NOTCH2: variants seen among roughly 807,000 people sequenced by gnomAD.
The protein encoded by NOTCH2 is notch receptor 2.
Under a neutral mutation model 235.8 loss-of-function variants are expected in NOTCH2, and 29 were observed. That is an observed-to-expected ratio of 0.12 (90% confidence interval 0.09 to 0.17). The LOEUF (loss-of-function observed/expected upper bound fraction) is 0.17. NOTCH2 is among the 10% of genes least tolerant of loss of function. The pLI, the probability that NOTCH2 is intolerant of heterozygous loss-of-function variation, is 1.00. For missense variants in NOTCH2, 2,285 were observed against 3,150.2 expected (o/e 0.73, Z 6.57); for synonymous variants, 1,086 against 1,141.5 (o/e 0.95, Z 0.98).
rs1442404690 is a variant in NOTCH2 at position 119,914,883 on chromosome 1, G to A, written c.*423C>T. ...TGTCCAAGGAGGAGGAGATGCGTAG[G>A]TCAATTCAGGCAGAATTCCAGGGCA... On this transcript the variant is annotated 3_prime_UTR_variant, in exon 34 of 34. Transcript: ENST00000256646. 5 of 358,828 alleles carry A rather than the reference G, an allele frequency of 1.4e-5. No individual in the cohort carries two copies. Among genetic ancestry groups the A allele is most frequent in the South Asian group, 7.7e-5 (2 of 25,916 alleles). 22.2% of individuals were successfully genotyped at this position (358,828 alleles called of 1,614,324 possible). A position where few individuals can be genotyped will look rare whatever the true frequency, so the allele number is the denominator to read the frequency against.
chr1:119,919,645 A>C, intron 30 of NOTCH2, 32 bp from the exon 31 acceptor site: 2 of 1,603,784 alleles, frequency 1.2e-6, no homozygotes, highest in Non-Finnish European at 1.7e-6. Context: ...TAAAGTACTC[A>C]AGAAGGAGAA....
intron 28 of NOTCH2, 94 bp downstream of exon 28, chr1:119,922,142 A>G (rs1649306825): frequency 1.5e-6 from 2 of 1,375,666 alleles, no homozygotes; most frequent in Non-Finnish European, 2.0e-6. Flanking sequence ...AAATGCCCAG[A>G]GCTTAGAATT....
chr1:119,960,832 T>A (rs587703140), intron 11 of NOTCH2, among the ~76,000 whole-genome samples: 2 of 152,074 alleles, frequency 1.3e-5, no homozygotes, highest in Admixed American at 1.3e-4. Flanking sequence ...CCTGGCTAAT[T>A]TTTATTTATT....
chr1:119,965,398 C>T (rs1651097080), intron 10 of NOTCH2, 55 bp downstream of exon 10: 5 of 1,303,702 alleles, frequency 3.8e-6, no homozygotes, highest in Non-Finnish European at 5.6e-6. Context: ...GGGACAATCA[C>T]CCTATTTTGT....
At chr1:119,969,926 C>T in intron 5 of NOTCH2, among the ~76,000 whole-genome samples, 182 bp from the exon 6 acceptor site, 1 of 152,074 alleles carries the variant, frequency 6.6e-6, no homozygotes, top group East Asian at 1.9e-4. Flanking sequence ...GATATTTTTT[C>T]CAGGCAAATC....
intron 1 of NOTCH2, among the ~76,000 whole-genome samples, chr1:120,040,897 T>G (rs587626894): frequency 6.7e-6 from 1 of 149,340 alleles, no homozygotes; most frequent in South Asian, 2.1e-4. Context: ...AAAAATTAGC[T>G]GGGCATGGTG....
At chr1:119,917,957 G>A (rs1345274947) in intron 32 of NOTCH2, among the ~76,000 whole-genome samples, 195 bp from the exon 33 acceptor site, 1 of 152,138 alleles carries the variant, frequency 6.6e-6, no homozygotes. Flanking sequence ...TGCCTAGCCT[G>A]CAGAAGACCT....
At position 119,940,016 on chromosome 1, in the gene NOTCH2, G is replaced by A. The variant is rs368116577; in HGVS notation, c.3183+539C>T. ...TACTTTGCCCCTCTGGGGCTGTTTC[G>A]CCTTCCATGAAATCGAAGGTTAGAT... On this transcript the variant is annotated intron_variant, in intron 19 of 33. Transcript: ENST00000256646. 6.6e-5 allele frequency among the ~76,000 whole-genome samples: 10 copies of A among 152,252 alleles called. No individual in the cohort carries two copies. In the East Asian group the frequency reaches 9.6e-4, roughly 15 times the overall value.
chr1:119,934,196 G>A (rs1295924752), intron 22 of NOTCH2, among the ~76,000 whole-genome samples: 5 of 152,174 alleles, frequency 3.3e-5, no homozygotes, highest in Non-Finnish European at 5.9e-5. Flanking sequence ...AGGTGTTTGG[G>A]TCCCTGGATC....
chr1:120,060,549 T>C (rs1355040638), intron 1 of NOTCH2, among the ~76,000 whole-genome samples: 19 of 151,222 alleles, frequency 1.3e-4, no homozygotes, highest in Non-Finnish European at 2.2e-4. Context: ...GGCAGCATGA[T>C]TGTGGACATT....
Position 119,983,704 on chromosome 1 carries a change from A to G in NOTCH2, c.874+3256T>C, listed in dbSNP as rs189647187. Among the ~76,000 whole-genome samples, 60 of 152,326 alleles carry G rather than the reference A, an allele frequency of 3.9e-4. 1 individual carries two copies. The East Asian group carries it at 0.011, about 27-fold the overall frequency. ...AGGCTTCTGAGAAAAGGAGGCTGACAAATTTACCCTAAATCAAACCATGAA... is the reference window on the plus strand; with the variant it reads ...AGGCTTCTGAGAAAAGGAGGCTGACGAATTTACCCTAAATCAAACCATGAA... On this transcript the variant is annotated intron_variant, in intron 5 of 33. Coordinates refer to ENST00000256646, the MANE Select transcript of NOTCH2 (RefSeq NM_024408.4).
intron 5 of NOTCH2, among the ~76,000 whole-genome samples, chr1:119,974,963 C>G (rs137912210): frequency 6.6e-6 from 1 of 152,312 alleles, no homozygotes; most frequent in East Asian, 1.9e-4. Flanking sequence ...AGTGGTGGAA[C>G]TGACCTTGGA....
At chr1:120,069,130 C>A (rs1372451225) in intron 1 of NOTCH2, 4 of 1,525,602 alleles carry the variant, frequency 2.6e-6, no homozygotes, top group South Asian at 2.4e-5. Context: ...GGAGCAGAGG[C>A]GGCGGGGAAC....
chr1:119,948,709 A>G (rs1553197360), intron 16 of NOTCH2, 143 bp from the exon 17 acceptor site: 2 of 999,424 alleles, frequency 2.0e-6, no homozygotes, highest in African/African-American at 3.2e-5. Context: ...AGTTCCAGGA[A>G]GACTTCTGTG....
At chr1:119,963,280 G>GT in intron 11 of NOTCH2, among the ~76,000 whole-genome samples, 1 of 152,046 alleles carries the variant, frequency 6.6e-6, no homozygotes, top group South Asian at 2.1e-4. Flanking sequence ...AAAAAAGAGG[G>GT]TTTTCAATTT....
chr1:119,927,706 G>A (rs898909295), intron 23 of NOTCH2, among the ~76,000 whole-genome samples: 6 of 152,192 alleles, frequency 3.9e-5, no homozygotes, highest in African/African-American at 1.4e-4. Flanking sequence ...CAGTTTTGAT[G>A]CTTTGGCTTT....
At chr1:120,065,452 A>T (rs1315389036) in intron 1 of NOTCH2, among the ~76,000 whole-genome samples, 1 of 152,170 alleles carries the variant, frequency 6.6e-6, no homozygotes, top group African/African-American at 2.4e-5. Context: ...ATGTTATAAG[A>T]GTTTTTGTGC....
intron 3 of NOTCH2, among the ~76,000 whole-genome samples, chr1:120,000,711 T>A (rs1426521299): frequency 1.3e-5 from 2 of 150,358 alleles, no homozygotes; most frequent in Non-Finnish European, 3.0e-5. Flanking sequence ...AGTGGGTATA[T>A]GCCCCCCTAC....
At chr1:119,919,730 C>A in intron 30 of NOTCH2, 117 bp from the exon 31 acceptor site, 1 of 941,978 alleles carries the variant, frequency 1.1e-6, no homozygotes, top group Non-Finnish European at 1.7e-6. Context: ...CCCTGTACTT[C>A]TTGTAGTAAC....
Sources: allele counts gnomAD v4.1 joint callset (sites outside exome capture counted in the v4.1 genomes callset), GRCh38; gene constraint gnomAD v4.1.1; transcripts MANE v1.5; gene names NCBI Gene and HGNC (gene_info 2026-07-23, HGNC 2026-07-21).